The following VWA3B variants were observed in gnomAD, a reference collection of about 807,000 sequenced individuals.
VWA3B encodes von Willebrand factor A domain-containing protein 3B.
In VWA3B, 138 loss-of-function variants were observed where a neutral mutation model predicts 158.3. The ratio of observed to expected loss-of-function variants is 0.87; its 90% confidence interval spans 0.76 to 1.00. VWA3B has a LOEUF of 1.00. Ranked by LOEUF, VWA3B falls within the 50% of genes least tolerant of loss-of-function variation. The pLI, the probability that VWA3B is intolerant of heterozygous loss-of-function variation, is 0.00. For missense variants in VWA3B, 1,555 were observed against 1,565.1 expected (o/e 0.99, Z 0.11); for synonymous variants, 596 against 587.3 (o/e 1.01, Z -0.21).
At chr2:98,319,929 AACT>A in the VWA3B span, among the ~76,000 whole-genome samples, 1 of 151,760 alleles carries the variant, frequency 6.6e-6, no homozygotes, top group East Asian at 1.9e-4. Context: ...AAAACAAAAA[AACT>A]ACATTTAGAG....
At chr2:98,171,061 TA>T (rs1473642323) in intron 8 of VWA3B, among the ~76,000 whole-genome samples, 2 of 152,222 alleles carry the variant, frequency 1.3e-5, no homozygotes, top group Non-Finnish European at 1.5e-5. Flanking sequence ...AAAACACATG[TA>T]AAACACCTAG....
At chr2:98,149,773 A>G (rs959967186) in intron 7 of VWA3B, among the ~76,000 whole-genome samples, 1 of 152,090 alleles carries the variant, frequency 6.6e-6, no homozygotes, top group Admixed American at 6.5e-5. Flanking sequence ...CTGCCTCCAG[A>G]CCCTATTCCC....
At chr2:98,298,881 C>T (rs1025894426) in intron 24 of VWA3B, among the ~76,000 whole-genome samples, 1 of 152,190 alleles carries the variant, frequency 6.6e-6, no homozygotes, top group Non-Finnish European at 1.5e-5. Flanking sequence ...AGGATTTGGT[C>T]TGTGGCTAAT....
intron 19 of VWA3B, among the ~76,000 whole-genome samples, chr2:98,248,703 A>G (rs1686555802): frequency 6.6e-6 from 1 of 152,140 alleles, no homozygotes; most frequent in Non-Finnish European, 1.5e-5. Context: ...ATCTTTGGAC[A>G]CACAGCTTAA....
the VWA3B span, among the ~76,000 whole-genome samples, chr2:98,323,376 C>CA: frequency 2.0e-5 from 3 of 150,236 alleles, no homozygotes; most frequent in East Asian, 1.9e-4. Flanking sequence ...TTACTCAATC[C>CA]AAAAAAACAA....
chr2:98,284,192 A>G (rs1034003012), intron 22 of VWA3B, among the ~76,000 whole-genome samples: 7 of 152,260 alleles, frequency 4.6e-5, no homozygotes, highest in African/African-American at 1.7e-4. Context: ...CAAGCAACGC[A>G]GGTCTGAAGA....
chr2:98,311,934 A>C lies in VWA3B; in HGVS notation c.3637A>C (p.Lys1213Gln). 1 of 1,607,446 alleles carries C rather than the reference A, an allele frequency of 6.2e-7. No individual in the cohort carries two copies. Among genetic ancestry groups the C allele is most frequent in the Non-Finnish European group, 8.5e-7 (1 of 1,177,108 alleles). Reference sequence around the variant, plus strand: ...GCCCAGGAGGAAAAAGAGGCCCGCCAAGCAGCCACTCCAGCAGGCGGCGCC... The same window carrying C: ...GCCCAGGAGGAAAAAGAGGCCCGCCCAGCAGCCACTCCAGCAGGCGGCGCC... ...EKPRRKKRPA[K>Q]QPLQQAAPSD... Residue 1213 changes from lysine to glutamine, a missense_variant, in exon 27 of 28, where the codon AAG (lysine) becomes CAG (glutamine). By Grantham distance (53) the Lys-to-Gln change is moderately conservative (BLOSUM62 1). Coordinates refer to ENST00000477737, the MANE Select transcript of VWA3B (RefSeq NM_144992.5).
chr2:98,289,271 T>C (rs921534773), intron 22 of VWA3B, among the ~76,000 whole-genome samples: 9 of 152,232 alleles, frequency 5.9e-5, no homozygotes, highest in Non-Finnish European at 1.2e-4. Flanking sequence ...TCCTCTTTTT[T>C]CCTGGGAGAC....
chr2:98,279,509 A>G (rs1688742923), intron 22 of VWA3B, among the ~76,000 whole-genome samples: 1 of 152,190 alleles, frequency 6.6e-6, no homozygotes. Context: ...CGGAGTGTAG[A>G]GGGCTTAGCA....
chr2:98,314,445 C>A (rs112100771), downstream of VWA3B, among the ~76,000 whole-genome samples: 624 of 152,310 alleles, frequency 4.1e-3, 2 homozygotes, highest in Middle Eastern at 0.014. Context: ...AAATATTATT[C>A]ATGGGGCATC....
At chr2:98,207,611 A>G in intron 12 of VWA3B, 1 of 488,132 alleles carries the variant, frequency 2.0e-6, no homozygotes, top group African/African-American at 2.0e-5. Context: ...GAGACCATTA[A>G]AGGATTTCAG....
At chr2:98,305,880 G>A (rs1169238827) in intron 26 of VWA3B, among the ~76,000 whole-genome samples, 1 of 151,884 alleles carries the variant, frequency 6.6e-6, no homozygotes, top group Non-Finnish European at 1.5e-5. Context: ...TGTCCCTTCC[G>A]CACTTAAAAA....
intron 7 of VWA3B, among the ~76,000 whole-genome samples, chr2:98,139,503 C>G (rs900703299): frequency 1.3e-4 from 20 of 152,204 alleles, no homozygotes; most frequent in African/African-American, 4.8e-4. Flanking sequence ...TTATGTCTAG[C>G]TCAGGGATTG....
intron 8 of VWA3B, among the ~76,000 whole-genome samples, chr2:98,178,884 C>T (rs1400829274): frequency 6.6e-6 from 1 of 152,154 alleles, no homozygotes; most frequent in African/African-American, 2.4e-5. Context: ...GGACATCCTA[C>T]GTGATAGTTC....
intron 12 of VWA3B, among the ~76,000 whole-genome samples, chr2:98,197,114 T>C (rs565308678): frequency 1.3e-5 from 2 of 152,208 alleles, no homozygotes; most frequent in Non-Finnish European, 2.9e-5. Context: ...TTCCAATCTG[T>C]GACAGTTCTT....
At chr2:98,172,411 G>A (rs989039500) in intron 8 of VWA3B, among the ~76,000 whole-genome samples, 26 of 152,166 alleles carry the variant, frequency 1.7e-4, no homozygotes, top group African/African-American at 4.8e-4. Context: ...CCAGCCACCT[G>A]TGTGTTCCTC....
intron 7 of VWA3B, among the ~76,000 whole-genome samples, chr2:98,160,533 G>A (rs1343924783): frequency 2.0e-5 from 3 of 152,132 alleles, no homozygotes; most frequent in Non-Finnish European, 4.4e-5. Flanking sequence ...ACCAAGAGCC[G>A]ACTGGGTTTC....
intron 12 of VWA3B, among the ~76,000 whole-genome samples, chr2:98,208,740 T>G (rs1332369777): frequency 6.6e-6 from 1 of 152,224 alleles, no homozygotes; most frequent in Non-Finnish European, 1.5e-5. Context: ...CCATCTTAGA[T>G]GGTGCTAAAC....
At chr2:98,316,779 T>C (rs1217043852), downstream of VWA3B, among the ~76,000 whole-genome samples, 2 of 151,960 alleles carry the variant, frequency 1.3e-5, no homozygotes, top group African/African-American at 4.8e-5. Flanking sequence ...AGTGACTGAG[T>C]TCTTAGGAGA....
Sources: allele counts gnomAD v4.1 joint callset (sites outside exome capture counted in the v4.1 genomes callset), GRCh38; gene constraint gnomAD v4.1.1; transcripts MANE v1.5; gene names NCBI Gene and HGNC (gene_info 2026-07-23, HGNC 2026-07-21).